CTNND1: variants seen among roughly 807,000 people sequenced by gnomAD.
CTNND1 encodes the protein catenin delta 1, also known as catenin delta-1.
CTNND1 carries 16 observed loss-of-function variants against 112.1 expected under a neutral mutation model. The ratio of observed to expected loss-of-function variants is 0.14; its 90% confidence interval spans 0.10 to 0.22. CTNND1 has a LOEUF of 0.22. CTNND1 is among the 10% of genes least tolerant of loss of function. The probability of loss-of-function intolerance (pLI) is 1.00; values close to 1 mark genes in which losing one functional copy is unlikely to be tolerated. For missense variants in CTNND1, 1,008 were observed against 1,257.0 expected (o/e 0.80, Z 3.00); for synonymous variants, 420 against 446.5 (o/e 0.94, Z 0.75).
At chr11:57,806,373 T>A in intron 10 of CTNND1, 88 bp from the exon 11 acceptor site, 1 of 1,216,362 alleles carries the variant, frequency 8.2e-7, no homozygotes, top group Non-Finnish European at 1.2e-6. Flanking sequence ...CCTGCTTATT[T>A]GCCCATGATT....
intron 2 of CTNND1, among the ~76,000 whole-genome samples, chr11:57,790,116 CTG>C (rs1235123611): frequency 6.6e-6 from 1 of 152,168 alleles, no homozygotes; most frequent in African/African-American, 2.4e-5. Flanking sequence ...GAGTCTCACT[CTG>C]TTGTCCAGCC....
At chr11:57,772,246 T>A (rs1332526780) in intron 1 of CTNND1, among the ~76,000 whole-genome samples, 1 of 152,066 alleles carries the variant, frequency 6.6e-6, no homozygotes, top group Non-Finnish European at 1.5e-5. Context: ...AATTTTTCTT[T>A]CCAAGAGAAA....
rs189577301 is a variant in CTNND1, at chr11:57,779,279, A to T, written c.-213-9758A>T. 2.3e-3 allele frequency among the ~76,000 whole-genome samples: 349 copies of T among 152,302 alleles called. 1 individual carries two copies. Among genetic ancestry groups the T allele is most frequent in the African/African-American group, 8.1e-3 (336 of 41,562 alleles). On this transcript the variant is annotated intron_variant, in intron 1 of 20. Transcript: ENST00000399050. Reference sequence around the variant, plus strand: ...ATTAAGAGTTACTAGCAATTCTCTAATGTTTGATCATAACTAGAGAATGGT... The same window carrying T: ...ATTAAGAGTTACTAGCAATTCTCTATTGTTTGATCATAACTAGAGAATGGT...
intron 1 of CTNND1, among the ~76,000 whole-genome samples, chr11:57,781,860 C>T (rs1310323284): frequency 6.6e-6 from 1 of 152,100 alleles, no homozygotes; most frequent in Non-Finnish European, 1.5e-5. Context: ...TCCTGGGCCC[C>T]CTCACTAGCT....
At chr11:57,773,665 A>G (rs1409169463) in intron 1 of CTNND1, among the ~76,000 whole-genome samples, 3 of 149,556 alleles carry the variant, frequency 2.0e-5, no homozygotes, top group South Asian at 4.2e-4. Context: ...GGCTGGGTGC[A>G]GTGGCTTACA....
At position 57,802,130 on chromosome 11, in the gene CTNND1, G is replaced by A; in HGVS notation, c.1354G>A (p.Gly452Ser). ...CAAGATTGCCATAAAAAACTGTGAT[G>A]GTGTGCCTGCCCTTGTGCGATTGCT... ...DNKIAIKNCD[G>S]VPALVRLLRK... Residue 452 changes from glycine (G) to serine (S), a missense_variant, in exon 7 of 21, where the codon GGT (glycine) becomes AGT (serine). Around this residue, in one of 5 missense-constraint regions of CTNND1, gnomAD observed 216 missense variants for 342.8 expected, o/e 0.63. Coordinates refer to ENST00000399050, the MANE Select transcript of CTNND1 (RefSeq NM_001085458.2). 1 of 1,613,990 alleles carries A rather than the reference G, an allele frequency of 6.2e-7. No homozygotes were observed. The highest frequency in any genetic ancestry group is 8.5e-7 in the Non-Finnish European group (1 of 1,179,902).
intron 1 of CTNND1, among the ~76,000 whole-genome samples, chr11:57,773,169 A>C (rs1426746307): frequency 6.6e-6 from 1 of 152,132 alleles, no homozygotes; most frequent in Non-Finnish European, 1.5e-5. Flanking sequence ...GGTTGTCTTG[A>C]GAGTTTTTTG....
At chr11:57,786,545 A>G (rs958531767) in intron 1 of CTNND1, among the ~76,000 whole-genome samples, 2 of 152,118 alleles carry the variant, frequency 1.3e-5, no homozygotes, top group Non-Finnish European at 2.9e-5. Flanking sequence ...AAAAATAAAT[A>G]AATAAAAAAT....
At chr11:57,809,113 T>C (rs1465137316) in intron 14 of CTNND1, among the ~76,000 whole-genome samples, 161 bp from the exon 15 acceptor site, 1 of 152,212 alleles carries the variant, frequency 6.6e-6, no homozygotes. Flanking sequence ...CATGGCTATT[T>C]CAGGTCCTTA....
intron 1 of CTNND1, among the ~76,000 whole-genome samples, chr11:57,767,620 A>G (rs1951435694): frequency 1.3e-5 from 2 of 152,112 alleles, no homozygotes; most frequent in African/African-American, 4.8e-5. Flanking sequence ...CATGTAACCT[A>G]GGGCAAATTG....
intron 1 of CTNND1, among the ~76,000 whole-genome samples, chr11:57,780,504 A>G (rs749596570): frequency 6.6e-6 from 1 of 152,232 alleles, no homozygotes; most frequent in Non-Finnish European, 1.5e-5. Context: ...CTTCTGGTAT[A>G]TAGGTAGTAT....
intron 1 of CTNND1, among the ~76,000 whole-genome samples, chr11:57,776,188 C>G (rs1003555766): frequency 6.6e-6 from 1 of 152,120 alleles, no homozygotes; most frequent in African/African-American, 2.4e-5. Context: ...TCCTACTGAC[C>G]AGTCAATTGT....
At chr11:57,796,323 T>G (rs1329953700) in intron 5 of CTNND1, 134 bp from the exon 6 acceptor site, 1 of 785,158 alleles carries the variant, frequency 1.3e-6, no homozygotes, top group African/African-American at 1.7e-5. Context: ...GAGGCAGAGG[T>G]TGCAGGTGAG....
intron 12 of CTNND1, among the ~76,000 whole-genome samples, chr11:57,807,627 A>AAAAAAAAAAAAG: frequency 7.1e-6 from 1 of 141,340 alleles, no homozygotes; most frequent in Non-Finnish European, 1.6e-5. Flanking sequence ...AAAAAAAAAA[A>AAAAAAAAAAAAG]AAAAGAAAAG....
chr11:57,810,422 G>A lies in CTNND1; in HGVS notation c.2550+199G>A, dbSNP rs541336763. ...CGGCTCACTGCAACCTCTGCCTCCC[G>A]GGTTCAAGTGATTCTTGTGCCTCAG... On this transcript the variant is annotated intron_variant, in intron 16 of 20. Transcript: ENST00000399050. Among the ~76,000 whole-genome samples, 7 of 151,794 alleles carry A rather than the reference G, an allele frequency of 4.6e-5. No individual in the cohort carries two copies. In the East Asian group the frequency reaches 9.9e-4, roughly 21 times the overall value.
intron 6 of CTNND1, among the ~76,000 whole-genome samples, chr11:57,800,570 G>GT (rs1032040598): frequency 6.6e-6 from 1 of 152,126 alleles, no homozygotes; most frequent in African/African-American, 2.4e-5. Flanking sequence ...GCCTGGTCCT[G>GT]TTTCCGTGTT....
intron 1 of CTNND1, among the ~76,000 whole-genome samples, chr11:57,780,179 G>T (rs1227467328): frequency 6.7e-6 from 1 of 149,990 alleles, no homozygotes; most frequent in Non-Finnish European, 1.5e-5. Context: ...TCAGCCTCCC[G>T]AGTAGCTGGA....
intron 16 of CTNND1, 131 bp from the exon 17 acceptor site, chr11:57,811,268 A>C (rs2063324722): frequency 1.5e-6 from 1 of 662,610 alleles, no homozygotes; most frequent in Non-Finnish European, 2.7e-6. Context: ...TAGGGTATTT[A>C]TTCAACTCTT....
chr11:57,786,068 T>A (rs2060097720), intron 1 of CTNND1, among the ~76,000 whole-genome samples: 1 of 152,112 alleles, frequency 6.6e-6, no homozygotes, highest in Non-Finnish European at 1.5e-5. Context: ...TGGGATCCAG[T>A]AATGTAGGAC....
Sources: allele counts gnomAD v4.1 joint callset (sites outside exome capture counted in the v4.1 genomes callset), GRCh38; gene constraint gnomAD v4.1.1; regional missense constraint gnomAD v4.1.1; transcripts MANE v1.5; gene names NCBI Gene and HGNC (gene_info 2026-07-23, HGNC 2026-07-21).